The following ART3 variants were observed in gnomAD, a reference collection of about 807,000 sequenced individuals.
ART3 encodes ADP-ribosyltransferase 3 (inactive), also known as ecto-ADP-ribosyltransferase 3.
A neutral mutation model predicts 48.5 loss-of-function variants in ART3; 49 were observed. The observed-to-expected ratio is 1.01, with a 90% confidence interval of 0.80 to 1.28. The LOEUF (loss-of-function observed/expected upper bound fraction) is 1.28. Among genes scored for constraint, ART3 ranks in the 50% most tolerant of loss-of-function variants. The probability of loss-of-function intolerance (pLI) is 0.00; values close to 1 mark genes in which losing one functional copy is unlikely to be tolerated. For missense variants in ART3, 438 were observed against 454.3 expected (o/e 0.96, Z 0.33); for synonymous variants, 145 against 157.2 (o/e 0.92, Z 0.58).
At chr4:76,028,894 G>T (rs1423298892) in intron 1 of ART3, among the ~76,000 whole-genome samples, 1 of 152,200 alleles carries the variant, frequency 6.6e-6, no homozygotes, top group Non-Finnish European at 1.5e-5. Flanking sequence ...AGGCTATGCA[G>T]TGTTTCTGAA....
chr4:76,065,033 T>C (rs1176517656), intron 1 of ART3, among the ~76,000 whole-genome samples: 1 of 152,096 alleles, frequency 6.6e-6, no homozygotes, highest in East Asian at 1.9e-4. Context: ...GGTTTCACCA[T>C]GTTGGCCAGG....
chr4:76,026,164 C>T (rs746643660), intron 1 of ART3, among the ~76,000 whole-genome samples: 11 of 151,772 alleles, frequency 7.2e-5, no homozygotes, highest in South Asian at 2.1e-4. Flanking sequence ...TCCTCCTGTT[C>T]GTCACATAGA....
intron 1 of ART3, chr4:76,035,346 G>T: frequency 2.5e-6 from 4 of 1,613,546 alleles, no homozygotes; most frequent in Non-Finnish European, 3.4e-6. Context: ...GGGAAGCCTA[G>T]AATAGATCAT....
intron 1 of ART3, among the ~76,000 whole-genome samples, chr4:76,048,097 A>G (rs1735685688): frequency 6.6e-6 from 1 of 151,896 alleles, no homozygotes; most frequent in African/African-American, 2.4e-5. Context: ...AGGGGAGATT[A>G]GAGGAGGATT....
chr4:76,039,781 C>T (rs963204527), intron 1 of ART3, among the ~76,000 whole-genome samples: 7 of 152,100 alleles, frequency 4.6e-5, no homozygotes, highest in African/African-American at 7.2e-5. Flanking sequence ...CATATTTTTA[C>T]ATTATACTAT....
intron 8 of ART3, among the ~76,000 whole-genome samples, chr4:76,102,462 T>C (rs966486210): frequency 6.6e-6 from 1 of 152,164 alleles, no homozygotes; most frequent in African/African-American, 2.4e-5. Flanking sequence ...TGGCCTCCTA[T>C]AATTTTTATT....
intron 1 of ART3, among the ~76,000 whole-genome samples, chr4:76,045,121 A>G (rs1560593463): frequency 6.6e-6 from 1 of 152,074 alleles, no homozygotes; most frequent in Non-Finnish European, 1.5e-5. Context: ...TTACATCACT[A>G]TGGCGTAACC....
intron 6 of ART3, 78 bp downstream of exon 6, chr4:76,100,398 C>T (rs185234582): frequency 0.013 from 17,927 of 1,407,470 alleles, 147 homozygotes; most frequent in Non-Finnish European, 0.015. Flanking sequence ...TTTGGGAGGC[C>T]GAGGCGGGAG....
intron 1 of ART3, among the ~76,000 whole-genome samples, chr4:76,040,422 C>T (rs566290087): frequency 1.0e-4 from 14 of 137,468 alleles, no homozygotes; most frequent in East Asian, 7.1e-4. Flanking sequence ...TGGATGGATA[C>T]GCACATACAC....
chr4:76,091,373 A>C (rs1047721327), intron 3 of ART3, among the ~76,000 whole-genome samples: 1 of 152,234 alleles, frequency 6.6e-6, no homozygotes, highest in Non-Finnish European at 1.5e-5. Context: ...GGAGTGTATA[A>C]GAGTTCTAGC....
chr4:76,022,871 T>A (rs1471302896), intron 1 of ART3: 1 of 1,567,620 alleles, frequency 6.4e-7, no homozygotes, highest in Non-Finnish European at 8.6e-7. Flanking sequence ...ATTTTAGGCA[T>A]TTAATGTAGA....
intron 3 of ART3, among the ~76,000 whole-genome samples, chr4:76,089,801 G>C (rs1270723746): frequency 2.0e-5 from 3 of 152,076 alleles, no homozygotes; most frequent in African/African-American, 7.2e-5. Context: ...TTCTTTGGAG[G>C]CTGGGCGCGG....
intron 11 of ART3, chr4:76,112,114 T>TAA: frequency 2.8e-6 from 1 of 353,344 alleles, no homozygotes; most frequent in East Asian, 5.1e-5. Flanking sequence ...TATTAGTAGT[T>TAA]AAGTTTTTGG....
Position 76,112,782 on chromosome 4 carries a change from T to C in ART3, c.*263T>C, listed in dbSNP as rs28445189. ...GATTAAATTCAATAAAAGATTTTGA[T>C]TAGATATTTCAGAATTGCCAGTATG... On this transcript the variant is annotated 3_prime_UTR_variant, in exon 12 of 12. Coordinates refer to ENST00000355810, the MANE Select transcript of ART3 (RefSeq NM_001130016.3). The C allele has an allele frequency of 8.6e-4, 273 of 318,022 alleles. No homozygotes were observed. Among genetic ancestry groups the C allele is most frequent in the African/African-American group, 5.7e-3 (261 of 45,976 alleles). The allele number at this position is 318,022 out of a possible 1,614,324, so 19.7% of individuals were successfully genotyped here.
intron 3 of ART3, among the ~76,000 whole-genome samples, chr4:76,090,463 C>T (rs1265112307): frequency 6.6e-6 from 1 of 152,196 alleles, no homozygotes; most frequent in African/African-American, 2.4e-5. Flanking sequence ...GCCAGAGATT[C>T]TAATCAGCTG....
intron 1 of ART3, among the ~76,000 whole-genome samples, chr4:76,025,069 A>G (rs1231421123): frequency 6.6e-6 from 1 of 152,192 alleles, no homozygotes; most frequent in Non-Finnish European, 1.5e-5. Context: ...AAGTCAGTGG[A>G]ATTAGCTGTG....
Position 76,107,754 on chromosome 4 carries a change from A to G in ART3, c.1004-7A>G, listed in dbSNP as rs760267058. The G allele has an allele frequency of 1.2e-4, 167 of 1,426,064 alleles. No individual in the cohort carries two copies. Among genetic ancestry groups the G allele is most frequent in the Non-Finnish European group, 1.5e-4 (156 of 1,042,572 alleles). 88.3% of individuals were successfully genotyped at this position (1,426,064 alleles called of 1,614,324 possible). On this transcript the variant is annotated splice_region_variant and splice_polypyrimidine_tract_variant and intron_variant, in intron 10 of 11. Coordinates refer to ENST00000355810, the MANE Select transcript of ART3 (RefSeq NM_001130016.3). ...TATAACTAACTCAAAATCTCTTTAT[A>G]TTTTAGAAGATAAAAGTCAAGGAAA...
intron 1 of ART3, among the ~76,000 whole-genome samples, chr4:76,040,931 C>G (rs775572215): frequency 5.9e-5 from 9 of 152,236 alleles, no homozygotes; most frequent in Non-Finnish European, 1.3e-4. Flanking sequence ...ATAACACTCT[C>G]TCCCTCTTTA....
intron 8 of ART3, among the ~76,000 whole-genome samples, chr4:76,102,057 G>A (rs984813825): frequency 6.6e-6 from 1 of 152,018 alleles, no homozygotes; most frequent in Non-Finnish European, 1.5e-5. Flanking sequence ...TTCTAGAATT[G>A]GGCAACACTT....
Sources: allele counts gnomAD v4.1 joint callset (sites outside exome capture counted in the v4.1 genomes callset), GRCh38; gene constraint gnomAD v4.1.1; transcripts MANE v1.5; gene names NCBI Gene and HGNC (gene_info 2026-07-23, HGNC 2026-07-21).